The following CCSER1 variants were observed in gnomAD, a reference collection of about 807,000 sequenced individuals.
CCSER1 encodes coiled-coil serine rich protein 1.
Under a neutral mutation model 82.0 loss-of-function variants are expected in CCSER1, and 41 were observed. That is an observed-to-expected ratio of 0.50 (90% CI 0.39 to 0.65). The LOEUF (loss-of-function observed/expected upper bound fraction) is 0.65. Among genes scored for constraint, CCSER1 ranks in the 30% least tolerant of loss-of-function variants. The pLI, the probability that CCSER1 is intolerant of heterozygous loss-of-function variation, is 0.00. For missense variants in CCSER1, 1,119 were observed against 1,064.2 expected, an observed-to-expected ratio of 1.05 and a Z score of -0.72; for synonymous variants, 414 against 383.9, an observed-to-expected ratio of 1.08 and a Z score of -0.92.
intron 10 of CCSER1, among the ~76,000 whole-genome samples, chr4:91,556,609 T>C (rs1762418127): frequency 6.6e-6 from 1 of 150,980 alleles, no homozygotes; most frequent in African/African-American, 2.4e-5. Context: ...TATAAATTAA[T>C]AATTACTGGA....
chr4:91,483,687 C>T (rs763594225), intron 10 of CCSER1, among the ~76,000 whole-genome samples: 14 of 152,106 alleles, frequency 9.2e-5, no homozygotes, highest in Non-Finnish European at 1.8e-4. Context: ...CCACCCGCCT[C>T]GGCCTCCCAA....
At chr4:91,146,053 A>G (rs1729502139) in intron 10 of CCSER1, among the ~76,000 whole-genome samples, 1 of 152,118 alleles carries the variant, frequency 6.6e-6, no homozygotes, top group Non-Finnish European at 1.5e-5. Flanking sequence ...CTCTCTCAGG[A>G]ATGCCAATGA....
chr4:90,750,150 T>G (rs1748350581), intron 7 of CCSER1, among the ~76,000 whole-genome samples: 2 of 151,888 alleles, frequency 1.3e-5, no homozygotes, highest in Non-Finnish European at 2.9e-5. Context: ...TTTGTTTTTT[T>G]CTTGTAAATT....
At chr4:90,311,524 T>A (rs563467244) in intron 2 of CCSER1, among the ~76,000 whole-genome samples, 10 of 152,314 alleles carry the variant, frequency 6.6e-5, no homozygotes, top group African/African-American at 2.4e-4. Flanking sequence ...ATAAGGATTT[T>A]ATAATTTTGA....
chr4:91,317,673 G>C (rs528337932), intron 10 of CCSER1, among the ~76,000 whole-genome samples: 5 of 151,900 alleles, frequency 3.3e-5, no homozygotes, highest in Middle Eastern at 3.4e-3. Context: ...GCTCATAACT[G>C]AAGTGAACTT....
intron 5 of CCSER1, among the ~76,000 whole-genome samples, chr4:90,473,994 A>ATTTTTAT: frequency 1.3e-5 from 2 of 152,214 alleles, no homozygotes; most frequent in Non-Finnish European, 2.9e-5. Flanking sequence ...TACAAAAATT[A>ATTTTTAT]GCTGGGCGTG....
At chr4:90,261,996 A>G (rs963464322) in intron 1 of CCSER1, among the ~76,000 whole-genome samples, 1 of 151,908 alleles carries the variant, frequency 6.6e-6, no homozygotes, top group Admixed American at 6.5e-5. Flanking sequence ...TTTCACTTAT[A>G]TATTGAATTT....
chr4:90,253,985 C>G (rs1560884788), intron 1 of CCSER1, among the ~76,000 whole-genome samples: 1 of 152,116 alleles, frequency 6.6e-6, no homozygotes, highest in Non-Finnish European at 1.5e-5. Context: ...ATTTAGGCAC[C>G]TTTGCAGAGG....
chr4:91,182,528 G>C, intron 10 of CCSER1, among the ~76,000 whole-genome samples: 1 of 152,316 alleles, frequency 6.6e-6, no homozygotes, highest in Middle Eastern at 3.4e-3. Flanking sequence ...TGCAACTGCT[G>C]TTTTAGGGAG....
intron 10 of CCSER1, among the ~76,000 whole-genome samples, chr4:91,115,535 C>T (rs968441386): frequency 6.6e-6 from 1 of 152,030 alleles, no homozygotes; most frequent in African/African-American, 2.4e-5. Flanking sequence ...CTATGTTGGC[C>T]AGGCTGGTCT....
At chr4:90,945,657 T>C (rs929513861) in intron 9 of CCSER1, among the ~76,000 whole-genome samples, 5 of 152,184 alleles carry the variant, frequency 3.3e-5, no homozygotes, top group African/African-American at 9.7e-5. Context: ...TCTCAGCACC[T>C]TTAGTGCCCG....
chr4:91,392,592 T>C (rs78057711), intron 10 of CCSER1, among the ~76,000 whole-genome samples: 4,775 of 152,174 alleles, frequency 0.031, 237 homozygotes, highest in African/African-American at 0.11. Flanking sequence ...AATAATTGTA[T>C]ACTGGTTTGG....
intron 4 of CCSER1, among the ~76,000 whole-genome samples, chr4:90,416,409 G>A (rs78563045): frequency 0.018 from 2,705 of 152,140 alleles, 49 homozygotes; most frequent in African/African-American, 0.036. Flanking sequence ...TTAAAGATAG[G>A]CATATCCAAG....
intron 3 of CCSER1, among the ~76,000 whole-genome samples, chr4:90,373,584 T>C (rs1357752933): frequency 2.0e-5 from 3 of 152,182 alleles, no homozygotes; most frequent in Non-Finnish European, 2.9e-5. Context: ...ATTTATTTAG[T>C]GATCAATTGC....
chr4:90,887,886 A>C (rs2150100646), intron 8 of CCSER1, among the ~76,000 whole-genome samples: 1 of 152,288 alleles, frequency 6.6e-6, no homozygotes, highest in South Asian at 2.1e-4. Context: ...ATCTCAAAAA[A>C]ACAAAACAAA....
chr4:90,164,613 T>G (rs1730114948), intron 1 of CCSER1, among the ~76,000 whole-genome samples: 1 of 152,118 alleles, frequency 6.6e-6, no homozygotes, highest in African/African-American at 2.4e-5. Context: ...AAAAAGAATC[T>G]AAAGTAGCAG....
chr4:90,736,024 T>C (rs558282798), intron 7 of CCSER1, among the ~76,000 whole-genome samples: 2 of 152,256 alleles, frequency 1.3e-5, no homozygotes, highest in South Asian at 2.1e-4. Context: ...CCAAAATTCA[T>C]TGTGTTGTTG....
intron 10 of CCSER1, among the ~76,000 whole-genome samples, chr4:91,100,333 T>C (rs1378031314): frequency 6.6e-6 from 1 of 152,098 alleles, no homozygotes; most frequent in Non-Finnish European, 1.5e-5. Context: ...GAGTAGTGTC[T>C]GGCACATAGG....
At chr4:91,358,832 A>G (rs900549477) in intron 10 of CCSER1, among the ~76,000 whole-genome samples, 1 of 152,078 alleles carries the variant, frequency 6.6e-6, no homozygotes, top group African/African-American at 2.4e-5. Flanking sequence ...CGCTCTTTGG[A>G]TCACGTCACT....
Sources: allele counts gnomAD v4.1 joint callset (sites outside exome capture counted in the v4.1 genomes callset), GRCh38; gene constraint gnomAD v4.1.1; transcripts MANE v1.5; gene names NCBI Gene and HGNC (gene_info 2026-07-23, HGNC 2026-07-21).